Variants in CPVL observed in about 807,000 individuals in gnomAD.
CPVL encodes the protein probable serine carboxypeptidase CPVL.
A neutral mutation model predicts 63.7 loss-of-function variants in CPVL; 51 were observed. That is an observed-to-expected ratio of 0.80 (90% confidence interval 0.64 to 1.01). The LOEUF (loss-of-function observed/expected upper bound fraction) is 1.01, where lower values mean the gene tolerates loss of function less well. Ranked by LOEUF, CPVL falls within the 50% of genes least tolerant of loss-of-function variation. The pLI is 0.00. For synonymous variants in CPVL, 195 were observed against 206.0 expected (o/e 0.95, Z 0.46); for missense variants, 530 against 573.1 (o/e 0.92, Z 0.77).
intron 12 of CPVL, among the ~76,000 whole-genome samples, chr7:29,024,677 A>C (rs1787319685): frequency 6.6e-6 from 1 of 152,250 alleles, no homozygotes; most frequent in African/African-American, 2.4e-5. Flanking sequence ...GCCACGAGAA[A>C]ATGAGATGGT....
At chr7:29,059,654 A>AGGATGTTGCGTCTTATATACCCAG (rs1791077897) in intron 11 of CPVL, among the ~76,000 whole-genome samples, 1 of 152,158 alleles carries the variant, frequency 6.6e-6, no homozygotes, top group Admixed American at 6.5e-5. Context: ...TCTTGATAAA[A>AGGATGTTGCGTCTTATATACCCAG]ACACTCAACA....
chr7:29,145,840 G>C (rs1262229402), intron 1 of CPVL: 1 of 152,198 alleles, frequency 6.6e-6, no homozygotes, highest in Non-Finnish European at 1.5e-5. Flanking sequence ...TTTTGTTTCT[G>C]TATCACTTCA....
intron 3 of CPVL, among the ~76,000 whole-genome samples, chr7:29,106,475 C>A (rs1309824921): frequency 6.6e-6 from 1 of 152,072 alleles, no homozygotes; most frequent in African/African-American, 2.4e-5. Context: ...CCTCAACACA[C>A]TGCTGACAGA....
At chr7:29,122,881 T>C (rs1789521634) in intron 1 of CPVL, among the ~76,000 whole-genome samples, 1 of 152,174 alleles carries the variant, frequency 6.6e-6, no homozygotes, top group African/African-American at 2.4e-5. Flanking sequence ...ACACCTGAGG[T>C]AGTGCCTCTC....
intron 1 of CPVL, among the ~76,000 whole-genome samples, chr7:29,121,455 T>C (rs1403300304): frequency 6.6e-6 from 1 of 152,120 alleles, no homozygotes; most frequent in Non-Finnish European, 1.5e-5. Context: ...AGTGAACCAC[T>C]GACATTTTTT....
At chr7:29,036,157 C>T (rs541026507) in intron 11 of CPVL, among the ~76,000 whole-genome samples, 3 of 152,320 alleles carry the variant, frequency 2.0e-5, no homozygotes, top group Admixed American at 2.0e-4. Flanking sequence ...AACTCATACA[C>T]CTTCGGACCA....
intron 1 of CPVL, among the ~76,000 whole-genome samples, chr7:29,191,306 C>T (rs1782862193): frequency 6.6e-6 from 1 of 152,140 alleles, no homozygotes; most frequent in African/African-American, 2.4e-5. Flanking sequence ...GAGATCTGCC[C>T]ATTGAGAGGT....
At chr7:29,075,489 C>T (rs1332707722) in intron 7 of CPVL, among the ~76,000 whole-genome samples, 3 of 124,862 alleles carry the variant, frequency 2.4e-5, no homozygotes, top group South Asian at 2.6e-4. Flanking sequence ...TTTCAGTCAA[C>T]GAAATCTTTT....
chr7:29,051,087 A>G (rs2128173283), intron 11 of CPVL, among the ~76,000 whole-genome samples: 1 of 152,334 alleles, frequency 6.6e-6, no homozygotes, highest in Middle Eastern at 3.4e-3. Flanking sequence ...CTCTCACCTT[A>G]TATAAAAATC....
rs144642761 is a variant in CPVL at position 29,158,587 on chromosome 7, C to T, written c.-11+22703G>A. On this transcript the variant is annotated intron_variant, in intron 5 of 16. Coordinates refer to the CPVL transcript ENST00000409850. ...AAAATATTTCCTTCAACATCCTCTACGAGATCTGTTTTCACATGTGTAGAG... is the reference window on the plus strand; with the variant it reads ...AAAATATTTCCTTCAACATCCTCTATGAGATCTGTTTTCACATGTGTAGAG... Among the ~76,000 whole-genome samples, 29 of 152,278 alleles carry T rather than the reference C, an allele frequency of 1.9e-4. No homozygotes were observed. In the Middle Eastern group the frequency reaches 0.01, roughly 54 times the overall value.
At chr7:29,117,800 A>G (rs572834099) in intron 2 of CPVL, among the ~76,000 whole-genome samples, 3 of 152,346 alleles carry the variant, frequency 2.0e-5, no homozygotes, top group Admixed American at 6.5e-5. Flanking sequence ...TGCCTGGCAC[A>G]TGGTTGGTAC....
chr7:29,120,792 G>C, intron 2 of CPVL, 101 bp downstream of exon 2: 1 of 1,201,360 alleles, frequency 8.3e-7, no homozygotes, highest in Non-Finnish European at 1.2e-6. Flanking sequence ...CTGACCTCCA[G>C]CCTAGTGACA....
intron 1 of CPVL, among the ~76,000 whole-genome samples, chr7:29,189,597 A>G (rs920022534): frequency 6.6e-6 from 1 of 152,106 alleles, no homozygotes; most frequent in Non-Finnish European, 1.5e-5. Flanking sequence ...AAGGTGCAAC[A>G]TGCAGAAGAA....
intron 11 of CPVL, among the ~76,000 whole-genome samples, chr7:29,043,854 A>C (rs1175266686): frequency 6.6e-6 from 1 of 152,162 alleles, no homozygotes; most frequent in African/African-American, 2.4e-5. Context: ...AAGTGTGACA[A>C]CGTGGCTTTC....
chr7:29,111,236 T>C (rs1788194106), intron 3 of CPVL, among the ~76,000 whole-genome samples: 2 of 152,214 alleles, frequency 1.3e-5, no homozygotes, highest in Non-Finnish European at 2.9e-5. Flanking sequence ...AATGCACACA[T>C]ACAGAATATT....
intron 12 of CPVL, among the ~76,000 whole-genome samples, chr7:29,027,097 T>C (rs1021662725): frequency 1.3e-5 from 2 of 152,048 alleles, no homozygotes; most frequent in African/African-American, 2.4e-5. Flanking sequence ...AACAAAATAC[T>C]AGCAAACAGA....
chr7:29,194,297 T>G (rs1458704354), intron 1 of CPVL: 1 of 146,844 alleles, frequency 6.8e-6, no homozygotes, highest in African/African-American at 2.5e-5. Context: ...GGGGACCCGG[T>G]CCCCCGTCCC....
intron 12 of CPVL, among the ~76,000 whole-genome samples, chr7:29,007,074 C>G (rs998364851): frequency 1.3e-5 from 2 of 152,150 alleles, no homozygotes; most frequent in African/African-American, 2.4e-5. Context: ...AAAATACAGA[C>G]TTCTCAGTAT....
intron 2 of CPVL, among the ~76,000 whole-genome samples, chr7:29,114,182 C>A (rs1350217394): frequency 6.6e-6 from 1 of 152,164 alleles, no homozygotes; most frequent in Non-Finnish European, 1.5e-5. Flanking sequence ...GTCCTGACTG[C>A]AAGGGCTGGT....
Sources: allele counts gnomAD v4.1 joint callset (sites outside exome capture counted in the v4.1 genomes callset), GRCh38; gene constraint gnomAD v4.1.1; transcripts MANE v1.5; gene names NCBI Gene and HGNC (gene_info 2026-07-23, HGNC 2026-07-21).